The following PTPRO variants were observed in gnomAD, a reference collection of about 807,000 sequenced individuals.
PTPRO encodes the protein receptor-type tyrosine-protein phosphatase O.
In PTPRO, 62 loss-of-function variants were observed where a neutral mutation model predicts 145.2. The observed-to-expected ratio is 0.43, with a 90% confidence interval of 0.35 to 0.53. PTPRO has a LOEUF of 0.53. Ranked by LOEUF, PTPRO falls within the 20% of genes least tolerant of loss-of-function variation. The probability of loss-of-function intolerance (pLI) is 0.01; values close to 1 mark genes in which losing one functional copy is unlikely to be tolerated. For missense variants in PTPRO, 1,345 were observed against 1,482.7 expected (o/e 0.91, Z 1.53); for synonymous variants, 565 against 514.7 (o/e 1.10, Z -1.32).
chr12:15,530,476 A>G (rs1015551871), intron 12 of PTPRO, among the ~76,000 whole-genome samples: 4 of 152,194 alleles, frequency 2.6e-5, no homozygotes, highest in Admixed American at 1.3e-4. Flanking sequence ...ATATCTTAGG[A>G]CACAAAACAG....
At chr12:15,361,438 CAAAA>C (rs71042244) in intron 1 of PTPRO, among the ~76,000 whole-genome samples, 3 of 71,294 alleles carry the variant, frequency 4.2e-5, no homozygotes, top group Admixed American at 1.6e-4. Context: ...GACTCAGTCT[CAAAA>C]AAAAAAAAAA....
intron 1 of PTPRO, among the ~76,000 whole-genome samples, chr12:15,419,123 A>G (rs1448905876): frequency 1.3e-5 from 2 of 151,656 alleles, no homozygotes; most frequent in Non-Finnish European, 2.9e-5. Context: ...CTCGAAGCAT[A>G]CAGTGAATAG....
At chr12:15,390,915 C>T (rs1445476874) in intron 1 of PTPRO, among the ~76,000 whole-genome samples, 1 of 152,190 alleles carries the variant, frequency 6.6e-6, no homozygotes, top group Non-Finnish European at 1.5e-5. Flanking sequence ...AGGTGCCAGA[C>T]CATTCAGTTC....
chr12:15,519,935 T>C (rs1565681013), intron 9 of PTPRO, among the ~76,000 whole-genome samples: 1 of 152,202 alleles, frequency 6.6e-6, no homozygotes, highest in Non-Finnish European at 1.5e-5. Context: ...ATGTGTAATA[T>C]TAGGAAATTG....
chr12:15,546,253 T>C, intron 12 of PTPRO: 1 of 949,470 alleles, frequency 1.1e-6, no homozygotes, highest in Non-Finnish European at 1.3e-6. Flanking sequence ...TTCTGTATTA[T>C]CAGGGCAATG....
intron 2 of PTPRO, among the ~76,000 whole-genome samples, chr12:15,486,444 C>G (rs918078087): frequency 6.6e-6 from 1 of 152,114 alleles, no homozygotes; most frequent in Non-Finnish European, 1.5e-5. Flanking sequence ...AAAAGGGTTT[C>G]CTGCAGACAG....
intron 7 of PTPRO, among the ~76,000 whole-genome samples, chr12:15,514,801 T>A (rs1942542105): frequency 6.6e-6 from 1 of 152,172 alleles, no homozygotes; most frequent in Admixed American, 6.5e-5. Flanking sequence ...TCTCACTCTG[T>A]TGCCCAGGCT....
At chr12:15,328,113 C>CA (rs745813599) in intron 1 of PTPRO, among the ~76,000 whole-genome samples, 2,117 of 117,320 alleles carry the variant, frequency 0.018, 45 homozygotes, top group African/African-American at 0.057. Flanking sequence ...AAACTTGTCT[C>CA]AAAAAAAAAA....
chr12:15,497,939 T>A (rs1160495209), intron 3 of PTPRO, among the ~76,000 whole-genome samples: 3 of 152,114 alleles, frequency 2.0e-5, no homozygotes, highest in African/African-American at 7.2e-5. Context: ...CCAGGAGAAG[T>A]AATATTTCAA....
rs189184516 is a variant in PTPRO at position 15,503,482 on chromosome 12, G to A, written c.1106-426G>A. On this transcript the variant is annotated intron_variant, in intron 5 of 26. Coordinates refer to ENST00000281171, the MANE Select transcript of PTPRO (RefSeq NM_030667.3). Reference sequence around the variant, plus strand: ...AAAATTAGATGTATTTTAAATAAATGTTAAAGCACTTCTGGATGGTTAATA... The same window carrying A: ...AAAATTAGATGTATTTTAAATAAATATTAAAGCACTTCTGGATGGTTAATA... 3.5e-3 allele frequency among the ~76,000 whole-genome samples: 534 copies of A among 152,232 alleles called. 2 individuals carry two copies. Among genetic ancestry groups the A allele is most frequent in the South Asian group, 6.9e-3 (33 of 4,816 alleles).
chr12:15,385,172 T>C (rs531216941), intron 1 of PTPRO, among the ~76,000 whole-genome samples: 3 of 152,352 alleles, frequency 2.0e-5, no homozygotes, highest in Non-Finnish European at 4.4e-5. Context: ...AAATTCATTT[T>C]ATTTCAAGCA....
At chr12:15,571,680 TTTC>T (rs1320883046) in intron 19 of PTPRO, among the ~76,000 whole-genome samples, 1 of 152,190 alleles carries the variant, frequency 6.6e-6, no homozygotes, top group African/African-American at 2.4e-5. Context: ...ACTGTCTGTC[TTTC>T]TTGTTTGTAG....
chr12:15,557,547 T>C (rs201171197), intron 16 of PTPRO, 24 bp downstream of exon 16: 338 of 1,599,982 alleles, frequency 2.1e-4, no homozygotes, highest in Non-Finnish European at 2.8e-4. Context: ...TGGAACAAGC[T>C]TCTACATAGT....
At chr12:15,571,638 G>A (rs1037903470) in intron 19 of PTPRO, among the ~76,000 whole-genome samples, 9 of 152,144 alleles carry the variant, frequency 5.9e-5, no homozygotes, top group Admixed American at 5.9e-4. Context: ...GAGCACCACA[G>A]CCTTTTGTTT....
At chr12:15,496,200 T>TG (rs1942103822) in intron 2 of PTPRO, among the ~76,000 whole-genome samples, 1 of 128,434 alleles carries the variant, frequency 7.8e-6, no homozygotes, top group African/African-American at 2.9e-5. Flanking sequence ...TGGGGTGCAA[T>TG]GGCGGGATCT....
intron 25 of PTPRO, among the ~76,000 whole-genome samples, chr12:15,590,186 G>A (rs928007560): frequency 6.6e-6 from 1 of 152,078 alleles, no homozygotes; most frequent in Non-Finnish European, 1.5e-5. Context: ...TACGTGCTCC[G>A]TCTTCCTCCT....
intron 12 of PTPRO, among the ~76,000 whole-genome samples, chr12:15,532,710 T>C (rs1942987221): frequency 6.6e-6 from 1 of 152,180 alleles, no homozygotes. Context: ...CAACTTTGCA[T>C]AATCTTTCTA....
chr12:15,436,379 A>T (rs572097987), intron 1 of PTPRO, among the ~76,000 whole-genome samples: 6 of 152,336 alleles, frequency 3.9e-5, no homozygotes, highest in African/African-American at 1.2e-4. Context: ...TTTCTTTTTT[A>T]TTATTACATA....
chr12:15,342,419 ATTCT>A (rs749270296), intron 1 of PTPRO, among the ~76,000 whole-genome samples: 5 of 152,230 alleles, frequency 3.3e-5, no homozygotes, highest in South Asian at 2.1e-4. Context: ...AGCATAATTT[ATTCT>A]TTCTTTCTAT....
Sources: gnomAD v4.1 joint callset for allele counts (sites outside exome capture counted in the v4.1 genomes callset) on GRCh38, gnomAD v4.1.1 for gene constraint, MANE v1.5 for transcripts, NCBI Gene and HGNC (gene_info 2026-07-23, HGNC 2026-07-21) for gene names.